DNAH17: variants seen among roughly 807,000 people sequenced by gnomAD.
DNAH17 encodes axonemal beta dynein heavy chain 17.
Under a neutral mutation model 485.6 loss-of-function variants are expected in DNAH17, and 376 were observed. That is an observed-to-expected ratio of 0.77 (90% CI 0.71 to 0.84). The LOEUF (loss-of-function observed/expected upper bound fraction) is 0.84. Among genes scored for constraint, DNAH17 ranks in the 40% least tolerant of loss-of-function variants. The pLI is 0.00. For missense variants in DNAH17, 6,370 were observed against 5,839.3 expected, an observed-to-expected ratio of 1.09 and a Z score of -2.96; for synonymous variants, 3,031 against 2,405.9, an observed-to-expected ratio of 1.26 and a Z score of -7.60.
chr17:78,484,226 A>C (rs2089483008), intron 48 of DNAH17, among the ~76,000 whole-genome samples: 1 of 150,556 alleles, frequency 6.6e-6, no homozygotes, highest in African/African-American at 2.4e-5. Context: ...CTCTGTCCCG[A>C]GGCCCTGGGA....
At chr17:78,566,464 C>T in intron 11 of DNAH17, 150 bp downstream of exon 11, 1 of 620,980 alleles carries the variant, frequency 1.6e-6, no homozygotes, top group Non-Finnish European at 2.8e-6. Flanking sequence ...TCACGGCTGA[C>T]TGACTCTGAG....
chr17:78,480,810 T>C lies in DNAH17; in HGVS notation c.7650-24A>G, dbSNP rs1424495776. 39 of 1,576,864 alleles carry C rather than the reference T, an allele frequency of 2.5e-5. No individual in the cohort carries two copies. The Admixed American group carries it at 3.3e-4, about 13-fold the overall frequency. On this transcript the variant is annotated intron_variant, in intron 48 of 80. Transcript: ENST00000389840. Reference sequence around the variant, plus strand: ...ACCTGAGGGGGGAAACCAGCATTCATGTTGTGCCCCTGGCCTGGAGGAACC... The same window carrying C: ...ACCTGAGGGGGGAAACCAGCATTCACGTTGTGCCCCTGGCCTGGAGGAACC...
intron 56 of DNAH17, among the ~76,000 whole-genome samples, chr17:78,465,347 G>T (rs7218474): frequency 0.038 from 5,740 of 151,584 alleles, 346 homozygotes; most frequent in African/African-American, 0.13. Flanking sequence ...CTGCCCGGCC[G>T]CCACCCCGTC....
At chr17:78,559,859 G>A (rs141308250) in intron 13 of DNAH17, among the ~76,000 whole-genome samples, 1 of 152,068 alleles carries the variant, frequency 6.6e-6, no homozygotes, top group East Asian at 1.9e-4. Flanking sequence ...ACTGCACCAG[G>A]CTCTCGGGCG....
chr17:78,520,095 G>A (rs691683), intron 25 of DNAH17, among the ~76,000 whole-genome samples: 27,791 of 147,662 alleles, frequency 0.19, 2,941 homozygotes, highest in East Asian at 0.48. Flanking sequence ...CTGGGCGATA[G>A]AACGAAACTC....
At chr17:78,544,658 C>G (rs1051710205) in intron 16 of DNAH17, among the ~76,000 whole-genome samples, 1 of 151,880 alleles carries the variant, frequency 6.6e-6, no homozygotes, top group Non-Finnish European at 1.5e-5. Flanking sequence ...AAAAATTAGC[C>G]GCGCATGGTG....
At chr17:78,532,865 GCT>G (rs2091278745) in intron 19 of DNAH17, 129 bp from the exon 20 acceptor site, 2 of 1,143,760 alleles carry the variant, frequency 1.7e-6, no homozygotes, top group South Asian at 3.3e-5. Context: ...ATGATGACCT[GCT>G]CTTTTTCCAG....
At chr17:78,445,255 G>A (rs1044673098) in intron 70 of DNAH17, among the ~76,000 whole-genome samples, 1 of 152,078 alleles carries the variant, frequency 6.6e-6, no homozygotes, top group African/African-American at 2.4e-5. Context: ...AGGAGAGGTT[G>A]AGGGAGGGAT....
chr17:78,507,229 G>A (rs769034260), intron 29 of DNAH17, 49 bp downstream of exon 29: 1 of 1,600,614 alleles, frequency 6.2e-7, no homozygotes, highest in South Asian at 1.1e-5. Context: ...TTAAGACTTA[G>A]GGAATCTGCA....
chr17:78,476,748 G>C lies in DNAH17; in HGVS notation c.7993-15C>G, dbSNP rs778859278. The C allele has an allele frequency of 6.2e-7, 1 of 1,609,296 alleles. No homozygotes were observed. On this transcript the variant is annotated splice_polypyrimidine_tract_variant and intron_variant, in intron 51 of 80. Coordinates refer to ENST00000389840, the MANE Select transcript of DNAH17 (RefSeq NM_173628.4). ...AATAAGAGTCCCTGCCCCAAACACA[G>C]GATGATCAGCACCGTCAGCTGTTAC...
At chr17:78,432,023 C>CA (rs1435322905) in intron 75 of DNAH17, among the ~76,000 whole-genome samples, 1 of 151,002 alleles carries the variant, frequency 6.6e-6, no homozygotes, top group Non-Finnish European at 1.5e-5. Flanking sequence ...CAAAACAAAA[C>CA]AAAAACAAAA....
At chr17:78,559,842 C>T (rs2092113424) in intron 13 of DNAH17, among the ~76,000 whole-genome samples, 1 of 152,138 alleles carries the variant, frequency 6.6e-6, no homozygotes, top group South Asian at 2.1e-4. Context: ...CTCCTTGCTG[C>T]TCCTGGACTG....
In DNAH17 at chr17:78,491,481, A is replaced by G; in HGVS notation, c.6631T>C (p.Trp2211Arg). 6.2e-7 allele frequency: 1 copy of G among 1,613,442 alleles called. No individual in the cohort carries two copies. Among genetic ancestry groups the G allele is most frequent in the Non-Finnish European group, 8.5e-7 (1 of 1,179,718 alleles). Residue 2211 changes from tryptophan to arginine, a missense_variant, in exon 43 of 81, where the codon TGG becomes CGG. Transcript: ENST00000389840. Reference sequence around the variant, plus strand: ...ATGACTGTGTTGAGAGACTCGATCCACATGGGGTCTATGTCTCCGTCAAGG... The same window carrying G: ...ATGACTGTGTTGAGAGACTCGATCCGCATGGGGTCTATGTCTCCGTCAAGG... Reference protein sequence around the residue: ...IILDGDIDPMWIESLNTVMDD... With the variant: ...IILDGDIDPMRIESLNTVMDD...
chr17:78,434,801 T>C (rs987329953), intron 74 of DNAH17, among the ~76,000 whole-genome samples: 1 of 152,224 alleles, frequency 6.6e-6, no homozygotes, highest in Non-Finnish European at 1.5e-5. Flanking sequence ...TGCTACGTAG[T>C]GACTCCTGAA....
At position 78,474,368 on chromosome 17, in the gene DNAH17, G is replaced by A. The variant is rs372838054; in HGVS notation, c.8511+910C>T. On this transcript the variant is annotated intron_variant, in intron 54 of 80. Coordinates refer to ENST00000389840, the MANE Select transcript of DNAH17 (RefSeq NM_173628.4). ...ATGATTCCTTCTGAACTAATGGCAC[G>A]CAGTTGCCTGGGAGAGCAGATTTTC... Among the ~76,000 whole-genome samples, 14 of 152,234 alleles carry A rather than the reference G, an allele frequency of 9.2e-5. 1 individual carries two copies. The highest frequency in any genetic ancestry group is 3.1e-4 in the African/African-American group (13 of 41,468).
At chr17:78,566,937 G>T in intron 10 of DNAH17, 62 bp downstream of exon 10, 1 of 1,539,916 alleles carries the variant, frequency 6.5e-7, no homozygotes, top group East Asian at 2.3e-5. Context: ...CCCCTAAGCT[G>T]GTACCGAGGC....
At position 78,425,480 on chromosome 17, in the gene DNAH17, A is replaced by C. The variant is rs772506868; in HGVS notation, c.13007T>G (p.Met4336Arg). ...FNPQSFLTAI[M>R]QSMARKNEWP... Reference sequence around the variant, plus strand: ...CTCGTTCTTCCTGGCCATGGACTGCATGATGGCCGTGAGGAACGACTGGGG... The same window carrying C: ...CTCGTTCTTCCTGGCCATGGACTGCCTGATGGCCGTGAGGAACGACTGGGG... Residue 4336 changes from methionine to arginine, a missense_variant, in exon 80 of 81, where the codon ATG becomes AGG. Physicochemically the swap from Met to Arg is moderately conservative, Grantham distance 91. Transcript: ENST00000389840. 6.2e-7 allele frequency: 1 copy of C among 1,613,892 alleles called. No homozygotes were observed. The highest frequency in any genetic ancestry group is 1.1e-5 in the South Asian group (1 of 91,086).
At chr17:78,460,362 G>GTATA in intron 58 of DNAH17, 105 bp from the exon 59 acceptor site, 1 of 934,006 alleles carries the variant, frequency 1.1e-6, no homozygotes, top group Non-Finnish European at 1.6e-6. Context: ...GTGCATGTAT[G>GTATA]CACGTGCATG....
rs148114426 is a variant in DNAH17 at position 78,535,228 on chromosome 17, G to C, written c.2859+2071C>G. 1.8e-3 allele frequency among the ~76,000 whole-genome samples: 269 copies of C among 152,292 alleles called. 1 individual carries two copies. Among genetic ancestry groups the C allele is most frequent in the African/African-American group, 5.8e-3 (241 of 41,552 alleles). ...GGGGACAGTGGGAGGGGCACACCCG[G>C]GACACACTGATTCTGAGGACATGTG... On this transcript the variant is annotated intron_variant, in intron 19 of 80. Transcript: ENST00000389840.
Sources: gnomAD v4.1 joint callset for allele counts (sites outside exome capture counted in the v4.1 genomes callset) on GRCh38, gnomAD v4.1.1 for gene constraint, MANE v1.5 for transcripts, NCBI Gene and HGNC (gene_info 2026-07-23, HGNC 2026-07-21) for gene names.